The following SIDT2 variants were observed in gnomAD, a reference collection of about 807,000 sequenced individuals.
SIDT2 encodes SID1 transmembrane family member 2, also known as SID1 transmembrane family, member 2.
In SIDT2, 68 loss-of-function variants were observed where a neutral mutation model predicts 114.4. The ratio of observed to expected loss-of-function variants is 0.59; its 90% CI spans 0.49 to 0.73. SIDT2 has a LOEUF of 0.73. SIDT2 is among the 30% of genes least tolerant of loss of function. The pLI is 0.00. For missense variants in SIDT2, 918 were observed against 1,097.1 expected, an observed-to-expected ratio of 0.84 and a Z score of 2.31; for synonymous variants, 470 against 438.4, an observed-to-expected ratio of 1.07 and a Z score of -0.90.
rs972258930 is a variant in SIDT2 at position 117,188,076 on chromosome 11, G to C, written c.1159+377G>C. 7 of 456,026 alleles carry C rather than the reference G, an allele frequency of 1.5e-5. No individual in the cohort carries two copies. The highest frequency in any genetic ancestry group is 3.0e-5 in the Non-Finnish European group (7 of 232,562). The allele number at this position is 456,026 out of a possible 1,614,324, so 28.2% of individuals were successfully genotyped here. A position where few individuals can be genotyped will look rare whatever the true frequency, so the allele number is the denominator to read the frequency against. ...GCTTCCCCATGTAATTCCAGTAATT[G>C]CCCGCTCTTGTGTCTTCTGAGATAG... On this transcript the variant is annotated intron_variant, in intron 12 of 25. Transcript: ENST00000324225. The surrounding 1 kb of genome is among the most constrained non-coding windows in gnomAD (Gnocchi z 4.0).
intron 24 of SIDT2, 145 bp downstream of exon 24, chr11:117,194,108 C>T (rs2030803005): frequency 1.6e-6 from 1 of 618,106 alleles, no homozygotes; most frequent in African/African-American, 1.9e-5. Context: ...CAAGACCAGC[C>T]TGGGCAATAT....
intron 8 of SIDT2, 40 bp downstream of exon 8, chr11:117,184,179 C>T: frequency 1.3e-6 from 2 of 1,598,166 alleles, no homozygotes; most frequent in Non-Finnish European, 1.7e-6. Context: ...GGACAAGCCT[C>T]TCTGGCTCCT....
chr11:117,190,481 C>A lies in SIDT2; in HGVS notation c.1618-142C>A. 9.9e-7 allele frequency: 1 copy of A among 1,011,354 alleles called. No individual in the cohort carries two copies. The highest frequency in any genetic ancestry group is 1.4e-6 in the Non-Finnish European group (1 of 712,566). The allele number at this position is 1,011,354 out of a possible 1,614,324, so 62.6% of individuals were successfully genotyped here. On this transcript the variant is annotated intron_variant, in intron 17 of 25. Transcript: ENST00000324225. This position sits in a 1 kb window ranked among gnomAD's most constrained non-coding sequence, Gnocchi z 4.1. ...GCCCTCCCTTGCCAGCCTGCCCAGG[C>A]CAGCCCACCCCTGCACACCCACACT...
intron 24 of SIDT2, chr11:117,194,251 TGC>T: frequency 3.4e-6 from 1 of 294,482 alleles, no homozygotes; most frequent in Non-Finnish European, 6.4e-6. Context: ...AGTTCCAGGC[TGC>T]AGTGAGCCAA....
chr11:117,187,000 T>G, intron 10 of SIDT2: 1 of 1,445,608 alleles, frequency 6.9e-7, no homozygotes, highest in Non-Finnish European at 9.2e-7. Flanking sequence ...CTTCTCTCCT[T>G]GGTAAGCTCC....
At position 117,190,786 on chromosome 11, in the gene SIDT2, C is replaced by A. The variant is rs375249734; in HGVS notation, c.1735+46C>A. On this transcript the variant is annotated intron_variant, in intron 18 of 25. Transcript: ENST00000324225. This position sits in a 1 kb window ranked among gnomAD's most constrained non-coding sequence, Gnocchi z 4.1. Reference sequence around the variant, plus strand: ...TTCTGGCTCAACCTACAGCAGGGACCTGCCTGAGTCCTTCACTATCCCCAA... The same window carrying A: ...TTCTGGCTCAACCTACAGCAGGGACATGCCTGAGTCCTTCACTATCCCCAA... 40 of 1,467,458 alleles carry A rather than the reference C, an allele frequency of 2.7e-5. No homozygotes were observed. The highest frequency in any genetic ancestry group is 3.6e-5 in the Non-Finnish European group (38 of 1,047,034). 90.9% of individuals were successfully genotyped at this position (1,467,458 alleles called of 1,614,324 possible).
rs1046255590 is a variant in SIDT2 at position 117,188,189 on chromosome 11, C to T, written c.1159+490C>T. On this transcript the variant is annotated intron_variant, in intron 12 of 25. Transcript: ENST00000324225. The surrounding 1 kb of genome is among the most constrained non-coding windows in gnomAD (Gnocchi z 4.0). ...TCTAGTTTATCGTCTGCGTTGCCAG[C>T]GCCCTCACTCCCTGGCCTGCTTGGG... The T allele has an allele frequency of 3.9e-5, 14 of 358,166 alleles. No individual in the cohort carries two copies. The highest frequency in any genetic ancestry group is 2.6e-4 in the South Asian group (12 of 47,052). 22.2% of individuals were successfully genotyped at this position (358,166 alleles called of 1,614,324 possible).
chr11:117,193,085 G>T, intron 22 of SIDT2, 68 bp from the exon 23 acceptor site: 1 of 1,510,132 alleles, frequency 6.6e-7, no homozygotes, highest in Non-Finnish European at 9.2e-7. Context: ...ACATGCCTAG[G>T]CAGGGCAGGA....
chr11:117,188,790 C>T lies in SIDT2; in HGVS notation c.1242C>T (p.Thr414=), dbSNP rs757258523. 30 of 1,614,022 alleles carry T rather than the reference C, an allele frequency of 1.9e-5. No homozygotes were observed. The highest frequency in any genetic ancestry group is 6.7e-5 in the East Asian group (3 of 44,886). ...AGGAGGATGACTACGACACATTGAC[C>T]GACATCGATTCCGACAAGAATGTCA... ...SVEEDDYDTL[T]DIDSDKNVIR... is the part of the protein sequence containing the mutation. Residue 414 remains threonine, a synonymous_variant, in exon 13 of 26, where the codon ACC becomes ACT. Coordinates refer to ENST00000324225, the MANE Select transcript of SIDT2 (RefSeq NM_001040455.2). The surrounding 1 kb of genome is among the most constrained non-coding windows in gnomAD (Gnocchi z 4.0).
rs1404824036 is a variant in SIDT2 at position 117,187,950 on chromosome 11, C to T, written c.1159+251C>T. The T allele has an allele frequency of 6.0e-6, 4 of 669,238 alleles. No homozygotes were observed. In the African/African-American group the frequency reaches 7.1e-5, roughly 12 times the overall value. 41.5% of individuals were successfully genotyped at this position (669,238 alleles called of 1,614,324 possible). On this transcript the variant is annotated intron_variant, in intron 12 of 25. Coordinates refer to ENST00000324225, the MANE Select transcript of SIDT2 (RefSeq NM_001040455.2). ...GCCAGATGCGGCAGCTGTGCATTGC[C>T]ATGGGTAGACCTGGGGTGGGGGTAG... is the stretch of plus-strand genomic sequence containing the variant.
intron 12 of SIDT2, 126 bp downstream of exon 12, chr11:117,187,825 C>G (rs1401438581): frequency 2.3e-6 from 2 of 862,866 alleles, no homozygotes; most frequent in Admixed American, 3.8e-5. Flanking sequence ...GTCTTCCTAA[C>G]CCCTCTCTTC....
In SIDT2 at chr11:117,179,225, C is replaced by CGCCGCCACCACCGCTGCCACT. The variant is rs762933912; in HGVS notation, c.-32_-12dup. ...GTGTCCTGTCTCCTGTCGCCGCCGC[C>CGCCGCCACCACCGCTGCCACT]GCCGCCACCACCGCTGCCACTGCCG... On this transcript the variant is annotated 5_prime_UTR_variant, in exon 1 of 26. Coordinates refer to ENST00000324225, the MANE Select transcript of SIDT2 (RefSeq NM_001040455.2). 6.9e-6 allele frequency: 11 copies of CGCCGCCACCACCGCTGCCACT among 1,591,364 alleles called. No homozygotes were observed. The South Asian group carries it at 1.2e-4, about 18-fold the overall frequency.
At chr11:117,187,021 G>A (rs1340718689) in intron 10 of SIDT2, 11 of 1,451,938 alleles carry the variant, frequency 7.6e-6, no homozygotes, top group Non-Finnish European at 8.2e-6. Flanking sequence ...AGGTGCTGTG[G>A]GCAGAGGAGC....
At chr11:117,186,918 C>G (rs530781719) in intron 10 of SIDT2, 34 of 1,491,626 alleles carry the variant, frequency 2.3e-5, no homozygotes, top group Non-Finnish European at 1.1e-5. Flanking sequence ...GATTATTAAC[C>G]TTTCCTTCTC....
At chr11:117,184,691 G>A (rs1260187809) in intron 8 of SIDT2, among the ~76,000 whole-genome samples, 3 of 152,124 alleles carry the variant, frequency 2.0e-5, no homozygotes, top group African/African-American at 7.2e-5. Context: ...ATTAAATGGG[G>A]CCCTAAGGGA....
rs1460068367 is a variant in SIDT2 at position 117,181,492 on chromosome 11, A to T, written c.260A>T (p.Lys87Met). 1 of 1,613,782 alleles carries T rather than the reference A, an allele frequency of 6.2e-7. No homozygotes were observed. The highest frequency in any genetic ancestry group is 1.3e-5 in the African/African-American group (1 of 74,846). The change falls in exon 2 of 26, where the codon AAG becomes ATG. Residue 87 changes from lysine to methionine, a missense_variant. Transcript: ENST00000324225. ...CCGTTGCTGTTTGTGGTCCGCCAGA[A>T]GGAGGCTGTGGTGTCCTTCCAGGTG... ...GAPLLFVVRQ[K>M]EAVVSFQVPL...
Position 117,195,727 on chromosome 11 carries a change from C to T in SIDT2, c.2323-75C>T, listed in dbSNP as rs2030872587. On this transcript the variant is annotated intron_variant, in intron 24 of 25. Transcript: ENST00000324225. ...GGCTGGAGAGAGGGGTGCCCAGGAG[C>T]AAGATGGCAGATGGGTCTGGCCCTT... The T allele has an allele frequency of 2.0e-6, 3 of 1,506,668 alleles. No individual in the cohort carries two copies. In the South Asian group the frequency reaches 3.5e-5, roughly 18 times the overall value. The allele number at this position is 1,506,668 out of a possible 1,614,324, so 93.3% of individuals were successfully genotyped here.
chr11:117,196,442 C>T lies in SIDT2; in HGVS notation c.*376C>T, dbSNP rs1432758921. 1.4e-5 allele frequency: 4 copies of T among 276,370 alleles called. No homozygotes were observed. Among genetic ancestry groups the T allele is most frequent in the Non-Finnish European group, 2.8e-5 (4 of 142,116 alleles). The allele number at this position is 276,370 out of a possible 1,614,324, so 17.1% of individuals were successfully genotyped here. A position where few individuals can be genotyped will look rare whatever the true frequency, so the allele number is the denominator to read the frequency against. On this transcript the variant is annotated 3_prime_UTR_variant, in exon 26 of 26. Transcript: ENST00000324225. This position sits in a 1 kb window ranked among gnomAD's most constrained non-coding sequence, Gnocchi z 4.9. ...CTTGCATTTTGCCCGTCCTCCTCCCCACAATGCCCCAGCCTGGGACCTAAG... is the reference window on the plus strand; with the variant it reads ...CTTGCATTTTGCCCGTCCTCCTCCCTACAATGCCCCAGCCTGGGACCTAAG...
intron 8 of SIDT2, among the ~76,000 whole-genome samples, chr11:117,184,929 G>T (rs2030434552): frequency 6.6e-6 from 1 of 152,128 alleles, no homozygotes; most frequent in Non-Finnish European, 1.5e-5. Flanking sequence ...GTTTCACCAT[G>T]TTGGCCAGGC....
Sources: gnomAD v4.1 joint callset for allele counts (sites outside exome capture counted in the v4.1 genomes callset) on GRCh38, gnomAD v4.1.1 for gene constraint, Gnocchi (gnomAD v3.1) non-coding constraint, MANE v1.5 for transcripts, NCBI Gene and HGNC (gene_info 2026-07-23, HGNC 2026-07-21) for gene names.